PPIA: variants seen among roughly 807,000 people sequenced by gnomAD.
The protein encoded by PPIA is peptidylprolyl isomerase A.
PPIA carries 2 observed loss-of-function variants against 15.3 expected under a neutral mutation model. That is an observed-to-expected ratio of 0.13 (90% CI 0.05 to 0.41). The LOEUF is 0.41. Among genes scored for constraint, PPIA ranks in the 10% least tolerant of loss-of-function variants. The probability of loss-of-function intolerance (pLI) is 0.99; values close to 1 mark genes in which losing one functional copy is unlikely to be tolerated. For missense variants in PPIA, 103 were observed against 210.3 expected, an observed-to-expected ratio of 0.49 and a Z score of 3.16; for synonymous variants, 67 against 73.1, an observed-to-expected ratio of 0.92 and a Z score of 0.43.
chr7:44,796,700 C>G lies in PPIA; in HGVS notation c.-25C>G, dbSNP rs779471856. 4.4e-6 allele frequency: 7 copies of G among 1,608,088 alleles called. No homozygotes were observed. Among genetic ancestry groups the G allele is most frequent in the East Asian group, 2.2e-5 (1 of 44,558 alleles). ...CGTGCCGTTTTGCAGACGCCACCGC[C>G]GAGGAAAACCGTGTACTATTAGCCA... is the stretch of plus-strand genomic sequence containing the variant. On this transcript the variant is annotated 5_prime_UTR_variant, in exon 1 of 5. Coordinates refer to ENST00000468812, the MANE Select transcript of PPIA (RefSeq NM_021130.5).
At chr7:44,797,329 C>G (rs1348347375) in intron 1 of PPIA, among the ~76,000 whole-genome samples, 1 of 152,082 alleles carries the variant, frequency 6.6e-6, no homozygotes, top group Non-Finnish European at 1.5e-5. Context: ...CCTGTAGATC[C>G]CGGGAGGCCA....
Position 44,799,342 on chromosome 7 carries a change from T to C in PPIA, c.101-50T>C, listed in dbSNP as rs112546912. 3 of 1,601,102 alleles carry C rather than the reference T, an allele frequency of 1.9e-6. No homozygotes were observed. In the South Asian group the frequency reaches 3.3e-5, roughly 18 times the overall value. ...GTGACAGTTTGTGTGTGTGTGTGTA[T>C]ATATATATTTTTATGTATGTATATA... On this transcript the variant is annotated intron_variant, in intron 2 of 4. Transcript: ENST00000468812.
chr7:44,797,557 C>G (rs1792413276), intron 1 of PPIA, among the ~76,000 whole-genome samples: 1 of 152,200 alleles, frequency 6.6e-6, no homozygotes, highest in African/African-American at 2.4e-5. Context: ...TGAGCCCCTC[C>G]CGATTGTCCC....
Position 44,799,286 on chromosome 7 carries a change from A to C in PPIA, c.100+9A>C. On this transcript the variant is annotated intron_variant, in intron 2 of 4. Transcript: ENST00000468812. ...GGTCCCAAAGACAGCAGGTTGGTCCATTTTCTAAGTTTAACAAAGATGTTC... is the reference window on the plus strand; with the variant it reads ...GGTCCCAAAGACAGCAGGTTGGTCCCTTTTCTAAGTTTAACAAAGATGTTC... The C allele has an allele frequency of 6.2e-7, 1 of 1,613,660 alleles. No homozygotes were observed. The highest frequency in any genetic ancestry group is 8.5e-7 in the Non-Finnish European group (1 of 1,179,806).
intron 4 of PPIA, 70 bp from the exon 5 acceptor site, chr7:44,801,217 C>T (rs1792550146): frequency 1.3e-6 from 2 of 1,498,070 alleles, no homozygotes; most frequent in South Asian, 1.2e-5. Context: ...CCTTTCTCGT[C>T]TTGGTTCATG....
At chr7:44,798,021 C>T (rs992048012) in intron 1 of PPIA, 6 of 152,192 alleles carry the variant, frequency 3.9e-5, no homozygotes, top group African/African-American at 1.4e-4. Context: ...GTGACAAGGG[C>T]TTTCGTGGAA....
intron 4 of PPIA, 128 bp downstream of exon 4, chr7:44,800,002 A>C (rs1792497945): frequency 2.1e-6 from 2 of 947,352 alleles, no homozygotes; most frequent in Non-Finnish European, 3.2e-6. Context: ...ATACTAGAAG[A>C]AGAGCATACA....
chr7:44,801,719 A>G lies in PPIA; in HGVS notation c.*297A>G, dbSNP rs1371819244. The stretch of plus-strand genomic sequence containing the variant: ...AAACATCACTTGTTTGCTTAATTCT[A>G]CACAGTACTTAGATTTTTTTTACTT... On this transcript the variant is annotated 3_prime_UTR_variant, in exon 5 of 5. Transcript: ENST00000468812. 1 of 275,502 alleles carries G rather than the reference A, an allele frequency of 3.6e-6. No homozygotes were observed. The highest frequency in any genetic ancestry group is 2.5e-5 in the African/African-American group (1 of 40,538). 17.1% of individuals were successfully genotyped at this position (275,502 alleles called of 1,614,324 possible). A position where few individuals can be genotyped will look rare whatever the true frequency, so the allele number is the denominator to read the frequency against.
At position 44,802,047 on chromosome 7, in the gene PPIA, A is replaced by C. The variant is rs11984372; in HGVS notation, c.*625A>C. On this transcript the variant is annotated 3_prime_UTR_variant, in exon 5 of 5. Transcript: ENST00000468812. The stretch of plus-strand genomic sequence containing the variant: ...TGGGTGTTCACAGATCTTGTGTCTC[A>C]AAGGTAGGCAGAGGCAGGAAAAGCA... 0.3 allele frequency: 45,347 copies of C among 152,440 alleles called. 8,033 individuals carry two copies. Among genetic ancestry groups the C allele is most frequent in the Non-Finnish European group, 0.4 (27,106 of 68,312 alleles). 9.4% of individuals were successfully genotyped at this position (152,440 alleles called of 1,614,324 possible).
chr7:44,796,913 G>T (rs1418219022), intron 1 of PPIA, 120 bp downstream of exon 1: 2 of 1,127,024 alleles, frequency 1.8e-6, no homozygotes, highest in East Asian at 3.1e-5. Context: ...AGCGCGGGCG[G>T]GCTGCGGCGC....
chr7:44,799,295 G>GT lies in PPIA; in HGVS notation c.100+21dup, dbSNP rs1302950162. On this transcript the variant is annotated intron_variant, in intron 2 of 4. Coordinates refer to ENST00000468812, the MANE Select transcript of PPIA (RefSeq NM_021130.5). ...GACAGCAGGTTGGTCCATTTTCTAAGTTTAACAAAGATGTTCCAATTGTGA... is the reference window on the plus strand; with the variant it reads ...GACAGCAGGTTGGTCCATTTTCTAAGTTTTAACAAAGATGTTCCAATTGTGA... 1 of 1,613,414 alleles carries GT rather than the reference G, an allele frequency of 6.2e-7. No homozygotes were observed. The highest frequency in any genetic ancestry group is 8.5e-7 in the Non-Finnish European group (1 of 1,179,524).
chr7:44,798,964 C>G, intron 1 of PPIA: 1 of 1,165,544 alleles, frequency 8.6e-7, no homozygotes, highest in Non-Finnish European at 1.1e-6. Flanking sequence ...TATATCTTTT[C>G]AGAAGTAGGT....
Position 44,800,009 on chromosome 7 carries a change from T to C in PPIA, c.362+135T>C. ...TCCCTAAGATACTAGAAGAAGAGCA[T>C]ACATAAACGACAAATATAGCCAATG... On this transcript the variant is annotated intron_variant, in intron 4 of 4. Coordinates refer to ENST00000468812, the MANE Select transcript of PPIA (RefSeq NM_021130.5). The C allele has an allele frequency of 5.5e-6, 5 of 904,900 alleles. No individual in the cohort carries two copies. In the South Asian group the frequency reaches 6.6e-5, roughly 12 times the overall value. The allele number at this position is 904,900 out of a possible 1,614,324, so 56.1% of individuals were successfully genotyped here.
intron 4 of PPIA, among the ~76,000 whole-genome samples, chr7:44,801,060 G>A (rs1009336747): frequency 4.6e-5 from 7 of 151,388 alleles, no homozygotes; most frequent in African/African-American, 1.2e-4. Flanking sequence ...CTCGTGATCC[G>A]CCCGCCTTGG....
At position 44,796,692 on chromosome 7, in the gene PPIA, G is replaced by T; in HGVS notation, c.-33G>T. ...GCCAGGCTCGTGCCGTTTTGCAGAC[G>T]CCACCGCCGAGGAAAACCGTGTACT... On this transcript the variant is annotated 5_prime_UTR_variant, in exon 1 of 5. Transcript: ENST00000468812. 1 of 1,604,670 alleles carries T rather than the reference G, an allele frequency of 6.2e-7. No homozygotes were observed.
chr7:44,798,386 G>GC, intron 1 of PPIA: 1 of 152,236 alleles, frequency 6.6e-6, no homozygotes, highest in South Asian at 2.1e-4. Flanking sequence ...GGTGGCGCTT[G>GC]CCTGTAATCT....
rs1275571308 is a variant in PPIA at position 44,802,951 on chromosome 7, A to G, written c.*1529A>G. On this transcript the variant is annotated 3_prime_UTR_variant, in exon 5 of 5. Transcript: ENST00000468812. ...TGGTGTGTTGGGCAATTTTTGTTTT[A>G]CTGTCTGGTTCCTTCTGCGTGAATT... 1 of 152,044 alleles carries G rather than the reference A, an allele frequency of 6.6e-6. No homozygotes were observed. Among genetic ancestry groups the G allele is most frequent in the African/African-American group, 2.4e-5 (1 of 41,376 alleles). The allele number at this position is 152,044 out of a possible 1,614,324, so 9.4% of individuals were successfully genotyped here.
chr7:44,797,538 A>T (rs1285146141), intron 1 of PPIA, among the ~76,000 whole-genome samples: 1 of 150,968 alleles, frequency 6.6e-6, no homozygotes. Flanking sequence ...CTGGCGGGGG[A>T]GGCGCTCTTG....
intron 1 of PPIA, 198 bp from the exon 2 acceptor site, chr7:44,799,049 A>G (rs1333000022): frequency 5.4e-6 from 6 of 1,121,252 alleles, no homozygotes; most frequent in African/African-American, 1.6e-5. Context: ...GATTTTTGGC[A>G]TGTCTTTGGG....
Sources: allele counts gnomAD v4.1 joint callset (sites outside exome capture counted in the v4.1 genomes callset), GRCh38; gene constraint gnomAD v4.1.1; transcripts MANE v1.5; gene names NCBI Gene and HGNC (gene_info 2026-07-23, HGNC 2026-07-21).